The following ASAP2 variants were observed in gnomAD, a reference collection of about 807,000 sequenced individuals.
ASAP2 encodes the protein ArfGAP with SH3 domain, ankyrin repeat and PH domain 2.
Under a neutral mutation model 131.4 loss-of-function variants are expected in ASAP2, and 45 were observed. The observed-to-expected ratio is 0.34, with a 90% CI of 0.27 to 0.44. The LOEUF is 0.44. Among genes scored for constraint, ASAP2 ranks in the 20% least tolerant of loss-of-function variants. The pLI is 1.00. For synonymous variants in ASAP2, 510 were observed against 503.0 expected, an observed-to-expected ratio of 1.01 and a Z score of -0.19; for missense variants, 1,011 against 1,297.0, an observed-to-expected ratio of 0.78 and a Z score of 3.39.
At chr2:9,351,625 C>T (rs547509601) in intron 12 of ASAP2, among the ~76,000 whole-genome samples, 8 of 152,298 alleles carry the variant, frequency 5.3e-5, no homozygotes, top group East Asian at 1.9e-4. Flanking sequence ...AGGACCACGC[C>T]GGACTGTGTA....
intron 21 of ASAP2, 111 bp from the exon 22 acceptor site, chr2:9,388,183 C>A: frequency 1.4e-6 from 2 of 1,400,684 alleles, no homozygotes; most frequent in Non-Finnish European, 2.0e-6. Flanking sequence ...TCAAATGGTA[C>A]CAGGCCCAGC....
chr2:9,261,711 G>C (rs1665584557), intron 1 of ASAP2, among the ~76,000 whole-genome samples: 1 of 152,228 alleles, frequency 6.6e-6, no homozygotes. Flanking sequence ...AGGAGGGAGG[G>C]GGCAGAGTTC....
At chr2:9,295,816 C>T (rs1310410622) in intron 2 of ASAP2, among the ~76,000 whole-genome samples, 7 of 152,186 alleles carry the variant, frequency 4.6e-5, no homozygotes, top group Admixed American at 6.5e-5. Context: ...TGCTAGATCC[C>T]CATTAGAACC....
At chr2:9,262,682 G>GTC (rs569441762) in intron 1 of ASAP2, among the ~76,000 whole-genome samples, 115 of 152,320 alleles carry the variant, frequency 7.5e-4, no homozygotes, top group African/African-American at 2.7e-3. Context: ...TCTGTTCACA[G>GTC]TCACAAGGTG....
chr2:9,325,402 C>T (rs1670415783), intron 6 of ASAP2, among the ~76,000 whole-genome samples: 4 of 152,160 alleles, frequency 2.6e-5, no homozygotes, highest in Admixed American at 2.6e-4. Flanking sequence ...TAATTAAGTA[C>T]TGTAGTAGCA....
intron 9 of ASAP2, among the ~76,000 whole-genome samples, chr2:9,343,382 A>AT (rs1226391538): frequency 7.3e-6 from 1 of 137,724 alleles, no homozygotes; most frequent in Non-Finnish European, 1.5e-5. Context: ...GGGAAATAGA[A>AT]TTTCCTGCAC....
At position 9,344,635 on chromosome 2, in the gene ASAP2, G is replaced by GGTAC. The variant is rs1671833788; in HGVS notation, c.953+3_953+6dup. ...GGCAGCCTCTACAAGAAGAGTGACG[G>GGTAC]GTACGTGAGGGGGTGTGGCTAGAGT... is the stretch of plus-strand genomic sequence containing the variant. On this transcript the variant is annotated frameshift_variant and splice_region_variant. Transcript: ENST00000281419. LOFTEE classifies it high-confidence loss of function. 2 of 1,613,764 alleles carry GGTAC rather than the reference G, an allele frequency of 1.2e-6. No homozygotes were observed. Among genetic ancestry groups the GGTAC allele is most frequent in the Non-Finnish European group, 1.7e-6 (2 of 1,179,788 alleles).
At position 9,386,677 on chromosome 2, in the gene ASAP2, G is replaced by T. The variant is rs148597801; in HGVS notation, c.2130+1319G>T. 4.6e-5 allele frequency among the ~76,000 whole-genome samples: 7 copies of T among 152,314 alleles called. No individual in the cohort carries two copies. The East Asian group carries it at 1.2e-3, about 25-fold the overall frequency. ...ATTGGTTTGTCCAGAACCTAGAAAGGGTTGGTGGTCCTGTGAGGGAGAGGC... is the reference window on the plus strand; with the variant it reads ...ATTGGTTTGTCCAGAACCTAGAAAGTGTTGGTGGTCCTGTGAGGGAGAGGC... On this transcript the variant is annotated intron_variant, in intron 21 of 27. Coordinates refer to ENST00000281419, the MANE Select transcript of ASAP2 (RefSeq NM_003887.3).
chr2:9,332,208 G>C (rs1670890064), intron 7 of ASAP2, among the ~76,000 whole-genome samples: 1 of 152,148 alleles, frequency 6.6e-6, no homozygotes, highest in Admixed American at 6.5e-5. Flanking sequence ...GTGAAGCTTG[G>C]AAAAGTGTTA....
chr2:9,364,311 C>A (rs1396189798), intron 15 of ASAP2, among the ~76,000 whole-genome samples: 2 of 151,832 alleles, frequency 1.3e-5, no homozygotes, highest in Non-Finnish European at 2.9e-5. Flanking sequence ...AGTTCAAGAC[C>A]AACCTGGGCC....
chr2:9,275,961 G>A (rs7605582), intron 1 of ASAP2, among the ~76,000 whole-genome samples: 92,967 of 152,190 alleles, frequency 0.61, 28,910 homozygotes, highest in East Asian at 0.8. Context: ...GCTGGTAGCT[G>A]CTGTAGTGGA....
rs780043108 is a variant in ASAP2, at chr2:9,393,474, C to T, written c.2519-8C>T. ...GACCCTCTGCACGTCTCTCCCTGTC[C>T]TCCGCAGATCCCCTGACCCCCACGC... On this transcript the variant is annotated splice_region_variant and splice_polypyrimidine_tract_variant and intron_variant, in intron 23 of 27. Transcript: ENST00000281419. 1 of 1,602,386 alleles carries T rather than the reference C, an allele frequency of 6.2e-7. No homozygotes were observed. Among genetic ancestry groups the T allele is most frequent in the Non-Finnish European group, 8.5e-7 (1 of 1,174,582 alleles).
At position 9,311,727 on chromosome 2, in the gene ASAP2, G is replaced by A. The variant is rs1669312819; in HGVS notation, c.346-6797G>A. Among the ~76,000 whole-genome samples the A allele has an allele frequency of 6.6e-6, 1 of 152,198 alleles. No individual in the cohort carries two copies. Among genetic ancestry groups the A allele is most frequent in the South Asian group, 2.1e-4 (1 of 4,834 alleles). The stretch of plus-strand genomic sequence containing the variant: ...TTCGGCTGCGGGCCTGAGGCTGCTG[G>A]ACACACAGAGGAAGCCCAGAGCCTG... On this transcript the variant is annotated intron_variant, in intron 3 of 27. Coordinates refer to ENST00000281419, the MANE Select transcript of ASAP2 (RefSeq NM_003887.3). This position sits in a 1 kb window ranked among gnomAD's most constrained non-coding sequence, Gnocchi z 5.2.
intron 1 of ASAP2, among the ~76,000 whole-genome samples, chr2:9,245,458 A>G (rs1476636256): frequency 6.6e-6 from 1 of 151,500 alleles, no homozygotes; most frequent in Non-Finnish European, 1.5e-5. Flanking sequence ...ACCCTAAAAG[A>G]TTAGTCATAC....
At chr2:9,380,663 C>G in intron 19 of ASAP2, 78 bp from the exon 20 acceptor site, 2 of 1,372,114 alleles carry the variant, frequency 1.5e-6, no homozygotes. Flanking sequence ...CTTTCTGTTC[C>G]TTTTAAAAAT....
intron 1 of ASAP2, among the ~76,000 whole-genome samples, chr2:9,249,002 T>C (rs186360894): frequency 8.5e-5 from 13 of 152,280 alleles, no homozygotes; most frequent in Non-Finnish European, 1.5e-4. Flanking sequence ...CCCGAATACA[T>C]AGGATGCTAG....
At chr2:9,370,254 C>T (rs945323203) in intron 16 of ASAP2, among the ~76,000 whole-genome samples, 2 of 152,102 alleles carry the variant, frequency 1.3e-5, no homozygotes, top group African/African-American at 4.8e-5. Context: ...CAGAACATTG[C>T]GAGGGAGTGA....
intron 16 of ASAP2, among the ~76,000 whole-genome samples, chr2:9,371,032 C>T (rs376740755): frequency 1.3e-5 from 2 of 152,176 alleles, no homozygotes; most frequent in African/African-American, 2.4e-5. Flanking sequence ...GGGTACCTAA[C>T]GAAAGCAGGG....
intron 21 of ASAP2, among the ~76,000 whole-genome samples, chr2:9,386,134 A>G (rs1382652530): frequency 6.7e-6 from 1 of 148,382 alleles, no homozygotes; most frequent in Non-Finnish European, 1.5e-5. Context: ...ACACATTTTC[A>G]TGGTTTGGCT....
Sources: allele counts gnomAD v4.1 joint callset (sites outside exome capture counted in the v4.1 genomes callset), GRCh38; gene constraint gnomAD v4.1.1; non-coding constraint Gnocchi (gnomAD v3.1); transcripts MANE v1.5; gene names NCBI Gene and HGNC (gene_info 2026-07-23, HGNC 2026-07-21).